Variants in DOCK4 observed in about 807,000 individuals in gnomAD.
DOCK4 encodes dedicator of cytokinesis protein 4.
A neutral mutation model predicts 268.1 loss-of-function variants in DOCK4; 97 were observed. The observed-to-expected ratio is 0.36, with a 90% CI of 0.31 to 0.43. DOCK4 has a LOEUF of 0.43. DOCK4 is among the 20% of genes least tolerant of loss of function. DOCK4 has a pLI of 1.00. For missense variants in DOCK4, 2,145 were observed against 2,455.7 expected (o/e 0.87, Z 2.67); for synonymous variants, 954 against 887.2 (o/e 1.08, Z -1.34).
intron 30 of DOCK4, among the ~76,000 whole-genome samples, chr7:111,799,598 A>C (rs1339253976): frequency 6.6e-6 from 1 of 152,226 alleles, no homozygotes; most frequent in Non-Finnish European, 1.5e-5. Context: ...CTGACAGCCC[A>C]GAGGAATGTC....
intron 1 of DOCK4, among the ~76,000 whole-genome samples, chr7:112,110,558 C>G (rs1811564515): frequency 1.3e-5 from 2 of 152,204 alleles, no homozygotes; most frequent in African/African-American, 2.4e-5. Flanking sequence ...AGGTCACATT[C>G]ATCAGTGGGC....
In DOCK4 at chr7:112,073,271, TA is replaced by T. The variant is rs1346157953; in HGVS notation, c.38-69141del. 5.6e-4 allele frequency among the ~76,000 whole-genome samples: 85 copies of T among 152,156 alleles called. 1 individual carries two copies. Among genetic ancestry groups the T allele is most frequent in the Admixed American group, 5.6e-3 (85 of 15,290 alleles). On this transcript the variant is annotated intron_variant, in intron 1 of 52. Transcript: ENST00000428084. ...CAGACCTGTATAGATTCCCTGCCAG[TA>T]ATAATCCCACTACTGGGTATTTACC...
intron 25 of DOCK4, among the ~76,000 whole-genome samples, chr7:111,838,713 T>C (rs1189459588): frequency 1.3e-5 from 2 of 152,060 alleles, no homozygotes; most frequent in Non-Finnish European, 2.9e-5. Context: ...TGAGGTAGCA[T>C]GGAGGGGCAA....
At chr7:111,884,171 A>T (rs1430511540) in intron 16 of DOCK4, among the ~76,000 whole-genome samples, 1 of 152,168 alleles carries the variant, frequency 6.6e-6, no homozygotes, top group East Asian at 1.9e-4. Context: ...TTGTTCCTTG[A>T]GGTTTTCAGC....
Position 111,877,115 on chromosome 7 carries a change from A to C in DOCK4, c.1659T>G (p.Leu553=), listed in dbSNP as rs756722863. The C allele has an allele frequency of 2.9e-5, 47 of 1,593,328 alleles. No individual in the cohort carries two copies. The highest frequency in any genetic ancestry group is 4.0e-5 in the Non-Finnish European group (47 of 1,170,638). The change falls in exon 17 of 53, where the codon CTT becomes CTG. Residue 553 remains leucine (L), a synonymous_variant. Transcript: ENST00000428084. Reference sequence around the variant, plus strand: ...CCTTCATGGCTTGATTATTATTCCCAAGGAAAATGCCCTTGGAAAAGGGAA... The same window carrying C: ...CCTTCATGGCTTGATTATTATTCCCCAGGAAAATGCCCTTGGAAAAGGGAA... ...LKLPFSKGIF[L]GNNNQAMKAT...
chr7:111,965,556 C>G (rs1797303321), intron 8 of DOCK4, among the ~76,000 whole-genome samples: 3 of 46,118 alleles, frequency 6.5e-5, no homozygotes, highest in African/African-American at 5.4e-4. Flanking sequence ...ATTCATAAAG[C>G]AAGTCTTCAG....
At chr7:112,042,405 A>G (rs932733229) in intron 1 of DOCK4, among the ~76,000 whole-genome samples, 1 of 152,206 alleles carries the variant, frequency 6.6e-6, no homozygotes, top group South Asian at 2.1e-4. Flanking sequence ...TCTTGCAGAC[A>G]TTGAGGAAGG....
In DOCK4 at chr7:111,863,332, C is replaced by G; in HGVS notation, c.2473+40G>C. 1.9e-6 allele frequency: 3 copies of G among 1,611,894 alleles called. No individual in the cohort carries two copies. The South Asian group carries it at 3.3e-5, about 18-fold the overall frequency. ...AATGGCTACAAAATATACAAAATGGCTTTTCAGAGGCACAATTTCCTCCAA... is the reference window on the plus strand; with the variant it reads ...AATGGCTACAAAATATACAAAATGGGTTTTCAGAGGCACAATTTCCTCCAA... On this transcript the variant is annotated intron_variant, in intron 23 of 52. Transcript: ENST00000428084.
At chr7:112,111,010 C>T (rs1811599554) in intron 1 of DOCK4, among the ~76,000 whole-genome samples, 1 of 152,228 alleles carries the variant, frequency 6.6e-6, no homozygotes, top group East Asian at 1.9e-4. Context: ...GATGTCCACC[C>T]TTGAGTGGAG....
In DOCK4 at chr7:111,834,603, T is replaced by G; in HGVS notation, c.2820A>C (p.Thr940=). The change falls in exon 26 of 53, where the codon ACA becomes ACC. Residue 940 remains threonine (T), a synonymous_variant. Coordinates refer to ENST00000428084, the MANE Select transcript of DOCK4 (RefSeq NM_001363540.2). ...TGTCACTTACCCTTAGTTCTTCCTT[T>G]GTATTAAAACTATCAAGAAGCTGTT... ...HYQQLLDSFN[T]KEELRDFLLQ... 1.3e-6 allele frequency: 2 copies of G among 1,549,462 alleles called. No individual in the cohort carries two copies. The highest frequency in any genetic ancestry group is 1.7e-6 in the Non-Finnish European group (2 of 1,146,350).
chr7:111,752,777 G>A (rs1041798373), intron 42 of DOCK4, among the ~76,000 whole-genome samples: 9 of 151,398 alleles, frequency 5.9e-5, no homozygotes, highest in African/African-American at 2.2e-4. Context: ...TAGTACAGAC[G>A]GGGTTTCACC....
At chr7:112,050,006 A>G (rs1434657288) in intron 1 of DOCK4, among the ~76,000 whole-genome samples, 2 of 152,110 alleles carry the variant, frequency 1.3e-5, no homozygotes, top group Admixed American at 1.3e-4. Context: ...TGATAAGTGT[A>G]CTCAAACTAG....
At chr7:111,784,363 C>A (rs759451098) in intron 32 of DOCK4, 30 of 680,226 alleles carry the variant, frequency 4.4e-5, no homozygotes, top group Non-Finnish European at 7.3e-5. Flanking sequence ...TTGCTTTATT[C>A]ACATAAAAAT....
At chr7:111,776,407 C>T (rs568757122) in intron 36 of DOCK4, among the ~76,000 whole-genome samples, 19 of 152,104 alleles carry the variant, frequency 1.2e-4, no homozygotes, top group Non-Finnish European at 2.2e-4. Context: ...CAAAAATAAA[C>T]GTCTCACTGG....
At chr7:111,768,626 T>C (rs1585925627) in intron 37 of DOCK4, among the ~76,000 whole-genome samples, 1 of 151,832 alleles carries the variant, frequency 6.6e-6, no homozygotes, top group African/African-American at 2.4e-5. Context: ...TGAAGAGGGG[T>C]AGGAAGTGGA....
At chr7:112,032,356 C>G (rs2135463006) in intron 1 of DOCK4, among the ~76,000 whole-genome samples, 1 of 152,230 alleles carries the variant, frequency 6.6e-6, no homozygotes, top group Non-Finnish European at 1.5e-5. Flanking sequence ...AATTGGCAAT[C>G]CGAAGTGCAT....
At chr7:112,119,167 G>A (rs1470024057) in intron 1 of DOCK4, among the ~76,000 whole-genome samples, 2 of 152,128 alleles carry the variant, frequency 1.3e-5, no homozygotes, top group Non-Finnish European at 2.9e-5. Context: ...CACTCTCCAA[G>A]ACAAGAAGTG....
intron 1 of DOCK4, among the ~76,000 whole-genome samples, chr7:112,079,204 GTTA>G (rs1808363936): frequency 6.6e-6 from 1 of 152,090 alleles, no homozygotes; most frequent in African/African-American, 2.4e-5. Flanking sequence ...ATTTCTAAAA[GTTA>G]TACAAATACA....
Position 111,940,246 on chromosome 7 carries a change from T to G in DOCK4, c.845-4A>C, listed in dbSNP as rs780210112. Reference sequence around the variant, plus strand: ...TTTTCTCCTGCTCCCATTCGACCTGTTCAATTAAAGAGCAATCATTAACCC... The same window carrying G: ...TTTTCTCCTGCTCCCATTCGACCTGGTCAATTAAAGAGCAATCATTAACCC... On this transcript the variant is annotated splice_polypyrimidine_tract_variant and splice_region_variant and intron_variant, in intron 10 of 52. Transcript: ENST00000428084. 1 of 1,613,972 alleles carries G rather than the reference T, an allele frequency of 6.2e-7. No homozygotes were observed. The highest frequency in any genetic ancestry group is 1.7e-5 in the Admixed American group (1 of 60,000).
Sources: gnomAD v4.1 joint callset for allele counts (sites outside exome capture counted in the v4.1 genomes callset) on GRCh38, gnomAD v4.1.1 for gene constraint, MANE v1.5 for transcripts, NCBI Gene and HGNC (gene_info 2026-07-23, HGNC 2026-07-21) for gene names.